NBAS: variants seen among roughly 807,000 people sequenced by gnomAD.
The protein encoded by NBAS is NBAS subunit of NRZ tethering complex, also known as NAG/BC035112 fusion.
In NBAS, 219 loss-of-function variants were observed where a neutral mutation model predicts 302.5. The ratio of observed to expected loss-of-function variants is 0.72; its 90% CI spans 0.65 to 0.81. The LOEUF (loss-of-function observed/expected upper bound fraction) is 0.81. NBAS is among the 30% of genes least tolerant of loss of function. The pLI is 0.00. For synonymous variants in NBAS, 1,118 were observed against 1,021.6 expected (o/e 1.09, Z -1.80); for missense variants, 2,932 against 2,841.6 (o/e 1.03, Z -0.72).
At chr2:15,364,446 G>A (rs902113808) in intron 32 of NBAS, among the ~76,000 whole-genome samples, 9 of 152,002 alleles carry the variant, frequency 5.9e-5, no homozygotes, top group Non-Finnish European at 8.8e-5. Flanking sequence ...CAGGAGACTC[G>A]CTTGAATCTG....
the NBAS span, among the ~76,000 whole-genome samples, chr2:14,949,260 A>G: frequency 1.3e-5 from 2 of 152,152 alleles, no homozygotes; most frequent in Non-Finnish European, 2.9e-5. Context: ...TCAAGCTAAA[A>G]AGCTTCTGCA....
At chr2:15,081,891 G>A in the NBAS span, among the ~76,000 whole-genome samples, 2 of 152,228 alleles carry the variant, frequency 1.3e-5, no homozygotes, top group African/African-American at 2.4e-5. Context: ...ATTGGCTGGA[G>A]TCAGGCACAT....
intron 21 of NBAS, among the ~76,000 whole-genome samples, chr2:15,459,920 T>C (rs1558359561): frequency 6.6e-6 from 1 of 152,218 alleles, no homozygotes; most frequent in Non-Finnish European, 1.5e-5. Flanking sequence ...GCTGCCCATA[T>C]ATAGATTTCA....
intron 35 of NBAS, among the ~76,000 whole-genome samples, chr2:15,345,122 G>A (rs899628013): frequency 1.3e-4 from 20 of 152,038 alleles, no homozygotes; most frequent in African/African-American, 4.1e-4. Flanking sequence ...CTCTCTCACC[G>A]CTCCTATTCA....
chr2:14,907,926 G>T, the NBAS span, among the ~76,000 whole-genome samples: 101 of 152,308 alleles, frequency 6.6e-4, no homozygotes, highest in East Asian at 0.018. Context: ...TTTGTCTTTT[G>T]ATTGCTTTTG....
chr2:15,127,992 T>C, the NBAS span, among the ~76,000 whole-genome samples: 1 of 152,160 alleles, frequency 6.6e-6, no homozygotes, highest in Non-Finnish European at 1.5e-5. Flanking sequence ...TCTCTCTACT[T>C]ATAGTTAGAT....
the NBAS span, among the ~76,000 whole-genome samples, chr2:15,152,277 G>C: frequency 1.3e-5 from 2 of 152,338 alleles, no homozygotes; most frequent in Middle Eastern, 6.8e-3. Context: ...AGTCCATTAT[G>C]ATGGTGGCAG....
chr2:14,842,813 C>A, the NBAS span, among the ~76,000 whole-genome samples: 1 of 143,624 alleles, frequency 7.0e-6, no homozygotes. Context: ...TCTATGAGGC[C>A]AGCATTTTCC....
the NBAS span, among the ~76,000 whole-genome samples, chr2:14,890,948 A>G: frequency 2.0e-5 from 3 of 152,366 alleles, no homozygotes; most frequent in South Asian, 6.2e-4. Flanking sequence ...TGGTAAATAA[A>G]AAGATTATTT....
the NBAS span, among the ~76,000 whole-genome samples, chr2:14,784,322 T>C: frequency 6.6e-6 from 1 of 152,228 alleles, no homozygotes; most frequent in African/African-American, 2.4e-5. Flanking sequence ...TTTGGTTTAA[T>C]TAGATCCCAT....
At chr2:15,133,028 C>A in the NBAS span, among the ~76,000 whole-genome samples, 1 of 152,128 alleles carries the variant, frequency 6.6e-6, no homozygotes, top group East Asian at 1.9e-4. Flanking sequence ...AAATATTCAA[C>A]CATCTTTTCT....
intron 47 of NBAS, among the ~76,000 whole-genome samples, chr2:15,225,046 G>A (rs1335547370): frequency 6.6e-6 from 1 of 152,148 alleles, no homozygotes; most frequent in Non-Finnish European, 1.5e-5. Context: ...TATATTAAAA[G>A]AAAAATGCCT....
intron 21 of NBAS, among the ~76,000 whole-genome samples, chr2:15,444,443 C>T (rs1678613519): frequency 6.6e-6 from 1 of 152,234 alleles, no homozygotes; most frequent in African/African-American, 2.4e-5. Context: ...GGAAAACTGG[C>T]TAGCCATATG....
intron 45 of NBAS, 121 bp downstream of exon 45, chr2:15,238,347 A>G: frequency 1.0e-6 from 1 of 954,880 alleles, no homozygotes; most frequent in Non-Finnish European, 1.6e-6. Context: ...AGGCTTGCGG[A>G]CAATTTTCAA....
chr2:14,983,501 C>A, the NBAS span, among the ~76,000 whole-genome samples: 2 of 152,144 alleles, frequency 1.3e-5, no homozygotes, highest in African/African-American at 4.8e-5. Flanking sequence ...TCCGTTAATA[C>A]GTTTGCAATA....
the NBAS span, among the ~76,000 whole-genome samples, chr2:15,088,700 T>C: frequency 6.6e-6 from 1 of 152,140 alleles, no homozygotes; most frequent in African/African-American, 2.4e-5. Context: ...CTTAGGAGCA[T>C]AGGATGTTAG....
At chr2:15,497,334 T>C (rs1681108468) in intron 11 of NBAS, among the ~76,000 whole-genome samples, 1 of 152,192 alleles carries the variant, frequency 6.6e-6, no homozygotes, top group South Asian at 2.1e-4. Flanking sequence ...TCTGCTAATG[T>C]AGGAGAGATG....
At chr2:14,951,068 C>A in the NBAS span, among the ~76,000 whole-genome samples, 1 of 152,158 alleles carries the variant, frequency 6.6e-6, no homozygotes, top group Non-Finnish European at 1.5e-5. Context: ...CAGCATCTAC[C>A]CTCCACAGAG....
chr2:15,098,222 A>G, the NBAS span, among the ~76,000 whole-genome samples: 7 of 29,596 alleles, frequency 2.4e-4, 3 homozygotes, highest in Non-Finnish European at 3.7e-4. Context: ...ATTATATTGT[A>G]TATATTATAT....
Sources: allele counts gnomAD v4.1 joint callset (sites outside exome capture counted in the v4.1 genomes callset), GRCh38; gene constraint gnomAD v4.1.1; transcripts MANE v1.5; gene names NCBI Gene and HGNC (gene_info 2026-07-23, HGNC 2026-07-21).